The following ST7 variants were observed in gnomAD, a reference collection of about 807,000 sequenced individuals.
The protein encoded by ST7 is suppression of tumorigenicity 7.
ST7 carries 28 observed loss-of-function variants against 78.7 expected under a neutral mutation model. That is an observed-to-expected ratio of 0.36 (90% CI 0.26 to 0.49). The LOEUF (loss-of-function observed/expected upper bound fraction) is 0.49. ST7 is among the 20% of genes least tolerant of loss of function. The pLI is 0.99. For missense variants in ST7, 418 were observed against 696.0 expected, an observed-to-expected ratio of 0.60 and a Z score of 4.49; for synonymous variants, 247 against 249.6, an observed-to-expected ratio of 0.99 and a Z score of 0.10.
chr7:117,092,053 T>C (rs965537703), intron 1 of ST7, among the ~76,000 whole-genome samples: 2 of 151,988 alleles, frequency 1.3e-5, no homozygotes, highest in Non-Finnish European at 2.9e-5. Flanking sequence ...GCCACCAACA[T>C]AGAATCTTAC....
intron 1 of ST7, among the ~76,000 whole-genome samples, chr7:117,045,239 G>A (rs1017576972): frequency 6.6e-6 from 1 of 152,066 alleles, no homozygotes. Context: ...GTCAGACCTT[G>A]TCACTCTTCT....
intron 2 of ST7, among the ~76,000 whole-genome samples, chr7:117,107,512 A>T (rs1225583932): frequency 6.7e-6 from 1 of 149,710 alleles, no homozygotes; most frequent in East Asian, 2.0e-4. Flanking sequence ...TTCCCTGATC[A>T]TTAGTGATGT....
chr7:116,972,725 G>A (rs1240165995), intron 1 of ST7: 3 of 927,484 alleles, frequency 3.2e-6, no homozygotes, highest in South Asian at 1.3e-5. Flanking sequence ...GCACAGTCCA[G>A]CTTCTCATGA....
At chr7:117,024,429 G>A (rs1018358710) in intron 1 of ST7, among the ~76,000 whole-genome samples, 19 of 151,994 alleles carry the variant, frequency 1.3e-4, no homozygotes, top group African/African-American at 4.1e-4. Context: ...AATTCTCAAG[G>A]GTACCACTTA....
chr7:117,219,225 G>C lies in ST7; in HGVS notation c.1498+49G>C, dbSNP rs778644763. ...AGTGAGGGTGTGTGGTGAAAGGTGG[G>C]GATTGGAAGAGGTGGGAATATCAAA... On this transcript the variant is annotated intron_variant, in intron 14 of 15. Transcript: ENST00000323984. This position sits in a 1 kb window ranked among gnomAD's most constrained non-coding sequence, Gnocchi z 5.1. The C allele has an allele frequency of 2.7e-6, 4 of 1,475,892 alleles. No homozygotes were observed. In the Admixed American group the frequency reaches 5.6e-5, roughly 21 times the overall value. 91.4% of individuals were successfully genotyped at this position (1,475,892 alleles called of 1,614,324 possible).
intron 9 of ST7, among the ~76,000 whole-genome samples, chr7:117,152,147 T>A (rs1164773053): frequency 7.5e-6 from 1 of 133,842 alleles, no homozygotes; most frequent in African/African-American, 2.8e-5. Context: ...TTTATATATA[T>A]ATAAAATATA....
chr7:116,980,449 A>C (rs983878197), intron 1 of ST7, among the ~76,000 whole-genome samples: 10 of 152,052 alleles, frequency 6.6e-5, no homozygotes, highest in African/African-American at 2.4e-4. Context: ...CCTTCACAGG[A>C]GCTTCACTTT....
intron 1 of ST7, among the ~76,000 whole-genome samples, chr7:117,046,606 A>G (rs1408868146): frequency 7.2e-5 from 11 of 152,040 alleles, no homozygotes; most frequent in Admixed American, 7.2e-4. Flanking sequence ...GCTTTCTTCT[A>G]TTCTTCTTTG....
At chr7:117,185,127 T>G (rs2031248771) in intron 10 of ST7, among the ~76,000 whole-genome samples, 3 of 152,174 alleles carry the variant, frequency 2.0e-5, no homozygotes, top group Admixed American at 2.0e-4. Context: ...GCCTGTGGTT[T>G]AGATGTTACG....
At chr7:116,964,947 A>G (rs904426259) in intron 1 of ST7, among the ~76,000 whole-genome samples, 1 of 152,216 alleles carries the variant, frequency 6.6e-6, no homozygotes, top group Non-Finnish European at 1.5e-5. Context: ...TATTTGAACA[A>G]GCAAATTCTG....
chr7:117,146,202 T>C (rs944443137), intron 9 of ST7: 4 of 152,168 alleles, frequency 2.6e-5, no homozygotes, highest in African/African-American at 7.2e-5. Context: ...GAGGAAGTTG[T>C]GATATCACCT....
intron 1 of ST7, chr7:117,020,531 A>G: frequency 6.6e-7 from 1 of 1,520,370 alleles, no homozygotes. Flanking sequence ...TCACATGTAC[A>G]CTCTCCTCGC....
chr7:117,092,956 A>T (rs1485475234), intron 1 of ST7, among the ~76,000 whole-genome samples: 1 of 152,206 alleles, frequency 6.6e-6, no homozygotes, highest in African/African-American at 2.4e-5. Flanking sequence ...AACATGGCTT[A>T]TGTCATAACC....
intron 1 of ST7, among the ~76,000 whole-genome samples, chr7:117,095,182 G>A (rs139239381): frequency 5.9e-5 from 9 of 152,214 alleles, no homozygotes; most frequent in Admixed American, 2.0e-4. Flanking sequence ...AGTGTAATAC[G>A]GGGGTTGCTC....
chr7:117,078,361 CT>C (rs1276140220), intron 1 of ST7, among the ~76,000 whole-genome samples: 1 of 152,192 alleles, frequency 6.6e-6, no homozygotes, highest in Non-Finnish European at 1.5e-5. Context: ...GTTTTTACAA[CT>C]TTAGTTTTAG....
intron 9 of ST7, among the ~76,000 whole-genome samples, chr7:117,149,606 T>C (rs1000275127): frequency 2.0e-5 from 3 of 150,900 alleles, no homozygotes; most frequent in Non-Finnish European, 4.4e-5. Flanking sequence ...TTTTTTTTTT[T>C]TTTTTTTTTG....
In ST7 at chr7:116,953,677, A is replaced by G. The variant is rs571378922; in HGVS notation, c.137A>G (p.Asp46Gly). The G allele has an allele frequency of 3.3e-6, 5 of 1,494,836 alleles. No homozygotes were observed. The South Asian group carries it at 4.7e-5, about 14-fold the overall frequency. 92.6% of individuals were successfully genotyped at this position (1,494,836 alleles called of 1,614,324 possible). A position where few individuals can be genotyped will look rare whatever the true frequency, so the allele number is the denominator to read the frequency against. ...CTGCGGGTGCCTTTGAAAATCAACG[A>G]CAACTTGAGCACAGGTAAGGCCTGG... ...YILRVPLKIN[D>G]NLSTVSMFLN... is the part of the protein sequence containing the mutation. The change falls in exon 1 of 16, where the codon GAC becomes GGC. Residue 46 changes from aspartate (D) to glycine (G), a missense_variant. Asp to Gly is a moderately conservative substitution (Grantham distance 94). Transcript: ENST00000323984.
chr7:117,221,787 T>C, intron 14 of ST7, 136 bp from the exon 15 acceptor site: 3 of 1,001,258 alleles, frequency 3.0e-6, no homozygotes, highest in African/African-American at 3.3e-5. Flanking sequence ...CTATGGTTTG[T>C]CAGGTGTGCT....
chr7:117,008,633 T>C (rs1795253914), intron 1 of ST7, among the ~76,000 whole-genome samples: 1 of 152,204 alleles, frequency 6.6e-6, no homozygotes, highest in Non-Finnish European at 1.5e-5. Context: ...TGAGGTATTG[T>C]TCATAGTATC....
Sources: gnomAD v4.1 joint callset for allele counts (sites outside exome capture counted in the v4.1 genomes callset) on GRCh38, gnomAD v4.1.1 for gene constraint, Gnocchi (gnomAD v3.1) non-coding constraint, MANE v1.5 for transcripts, NCBI Gene and HGNC (gene_info 2026-07-23, HGNC 2026-07-21) for gene names.